LAMA2: variants seen among roughly 807,000 people sequenced by gnomAD.
The protein encoded by LAMA2 is laminin subunit alpha 2.
LAMA2 carries 269 observed loss-of-function variants against 364.8 expected under a neutral mutation model. The observed-to-expected ratio is 0.74, with a 90% CI of 0.67 to 0.82. The LOEUF is 0.82. LAMA2 is among the 40% of genes least tolerant of loss of function. The pLI, the probability that LAMA2 is intolerant of heterozygous loss-of-function variation, is 0.00. For synonymous variants in LAMA2, 1,379 were observed against 1,370.6 expected, an observed-to-expected ratio of 1.01 and a Z score of -0.14; for missense variants, 3,807 against 3,873.2, an observed-to-expected ratio of 0.98 and a Z score of 0.45.
At chr6:129,013,780 TGAGAATA>T (rs1784912332) in intron 1 of LAMA2, among the ~76,000 whole-genome samples, 1 of 151,956 alleles carries the variant, frequency 6.6e-6, no homozygotes. Flanking sequence ...ATTCTCTATA[TGAGAATA>T]GAGAATAAAT....
rs2114698164 is a variant in LAMA2 at position 129,404,052 on chromosome 6, T to C, written c.5865+93T>C. The C allele has an allele frequency of 2.1e-6, 3 of 1,417,528 alleles. 1 individual carries two copies. The Admixed American group carries it at 5.3e-5, about 25-fold the overall frequency. The allele number at this position is 1,417,528 out of a possible 1,614,324, so 87.8% of individuals were successfully genotyped here. A position where few individuals can be genotyped will look rare whatever the true frequency, so the allele number is the denominator to read the frequency against. ...AGTCTGGAAAATCCCAGTAAATTGG[T>C]ATATTTGTTTTGGGTTATTTTTGAA... On this transcript the variant is annotated intron_variant, in intron 40 of 64. Coordinates refer to ENST00000421865, the MANE Select transcript of LAMA2 (RefSeq NM_000426.4).
intron 15 of LAMA2, 151 bp from the exon 16 acceptor site, chr6:129,266,955 T>C (rs1787560816): frequency 1.4e-6 from 1 of 719,914 alleles, no homozygotes; most frequent in African/African-American, 1.7e-5. Context: ...ATAGCTCTGT[T>C]GCAATGTTTC....
chr6:129,191,368 C>T (rs142823110), intron 11 of LAMA2, among the ~76,000 whole-genome samples: 20 of 152,302 alleles, frequency 1.3e-4, no homozygotes, highest in Non-Finnish European at 2.5e-4. Flanking sequence ...ATTATCTATA[C>T]GTTATCAACT....
At chr6:129,355,992 A>G (rs1777132792) in intron 32 of LAMA2, among the ~76,000 whole-genome samples, 1 of 152,122 alleles carries the variant, frequency 6.6e-6, no homozygotes, top group Admixed American at 6.6e-5. Flanking sequence ...TTCTCAAAGT[A>G]TATAAAATTC....
intron 40 of LAMA2, among the ~76,000 whole-genome samples, chr6:129,416,444 T>C (rs566589229): frequency 6.6e-6 from 1 of 152,178 alleles, no homozygotes; most frequent in Non-Finnish European, 1.5e-5. Context: ...AAAGATATGC[T>C]TGGGAGCCTC....
intron 12 of LAMA2, among the ~76,000 whole-genome samples, chr6:129,243,311 A>G (rs907845268): frequency 6.6e-6 from 1 of 152,144 alleles, no homozygotes; most frequent in African/African-American, 2.4e-5. Flanking sequence ...AAAAATTTGT[A>G]TGAGAAATTC....
rs1418934562 is a variant in LAMA2 at position 128,961,336 on chromosome 6, T to G, written c.112+77979T>G. On this transcript the variant is annotated intron_variant, in intron 1 of 64. Transcript: ENST00000421865. Reference sequence around the variant, plus strand: ...CTAATATGATATATATATATATATATATATATATATATATATATATATATA... The same window carrying G: ...CTAATATGATATATATATATATATAGATATATATATATATATATATATATA... Among the ~76,000 whole-genome samples the G allele has an allele frequency of 1.5e-3, 69 of 44,660 alleles. 6 individuals carry two copies. The highest frequency in any genetic ancestry group is 1.2e-4 in the Non-Finnish European group (3 of 24,884). 29.3% of individuals were successfully genotyped at this position (44,660 alleles called of 152,430 possible). A position where few individuals can be genotyped will look rare whatever the true frequency, so the allele number is the denominator to read the frequency against.
At chr6:129,492,674 A>G (rs534350219) in intron 58 of LAMA2, among the ~76,000 whole-genome samples, 191 bp downstream of exon 58, 18 of 152,332 alleles carry the variant, frequency 1.2e-4, no homozygotes, top group Admixed American at 9.8e-4. Flanking sequence ...TTTGTTTACA[A>G]AACAGTACAT....
chr6:128,936,895 G>A (rs114014259), intron 1 of LAMA2, among the ~76,000 whole-genome samples: 1,584 of 152,256 alleles, frequency 0.01, 22 homozygotes, highest in African/African-American at 0.036. Flanking sequence ...TGACAATGTT[G>A]ATGGTTGGAT....
At position 129,371,265 on chromosome 6, in the gene LAMA2, GT is replaced by G. The variant is rs1218761178; in HGVS notation, c.4959+1276del. 3.4e-4 allele frequency among the ~76,000 whole-genome samples: 52 copies of G among 152,014 alleles called. 1 individual carries two copies. Among genetic ancestry groups the G allele is most frequent in the Admixed American group, 9.2e-4 (14 of 15,262 alleles). On this transcript the variant is annotated intron_variant, in intron 34 of 64. Coordinates refer to ENST00000421865, the MANE Select transcript of LAMA2 (RefSeq NM_000426.4). ...CTTTGAGATGTGTGTGTGTGTGTGT[GT>G]GTGTGTGTGTGTGTACATCAGCATT...
intron 1 of LAMA2, among the ~76,000 whole-genome samples, chr6:128,921,004 T>G (rs1429772738): frequency 6.6e-6 from 1 of 152,222 alleles, no homozygotes; most frequent in Non-Finnish European, 1.5e-5. Context: ...ATCGATCCTG[T>G]CTTTGCACTA....
At position 129,149,091 on chromosome 6, in the gene LAMA2, G is replaced by A; in HGVS notation, c.1022G>A (p.Cys341Tyr). The change falls in exon 7 of 65, where the codon TGT becomes TAT. Residue 341 changes from cysteine to tyrosine, a missense_variant. By Grantham distance (194) the Cys-to-Tyr change is radical. This residue lies in a region of LAMA2 where 80 missense variants were observed against 124.0 expected (regional missense o/e 0.65). Coordinates refer to ENST00000421865, the MANE Select transcript of LAMA2 (RefSeq NM_000426.4). ...GGAACTTTTCTAACTAAAACTGAAT[G>A]TGAAGGTATGTTCTTTAGAAGCCAA... ...RAGTFLTKTE[C>Y]EACNCHGKAE... is the part of the protein sequence containing the mutation. 1 of 1,570,060 alleles carries A rather than the reference G, an allele frequency of 6.4e-7. No homozygotes were observed. The highest frequency in any genetic ancestry group is 8.8e-7 in the Non-Finnish European group (1 of 1,140,016).
chr6:128,975,415 T>C (rs535367651), intron 1 of LAMA2, among the ~76,000 whole-genome samples: 1 of 152,070 alleles, frequency 6.6e-6, no homozygotes, highest in South Asian at 2.1e-4. Context: ...GCACTTTAGC[T>C]TGGGAGGAGG....
intron 8 of LAMA2, among the ~76,000 whole-genome samples, chr6:129,156,713 TAAC>T (rs1343190688): frequency 2.0e-5 from 3 of 152,064 alleles, no homozygotes; most frequent in Non-Finnish European, 2.9e-5. Flanking sequence ...ACAAAAATAA[TAAC>T]AACAAAAAAA....
Position 129,250,190 on chromosome 6 carries a change from C to T in LAMA2, c.1861C>T (p.Leu621Phe), listed in dbSNP as rs139093923. 1.9e-6 allele frequency: 3 copies of T among 1,592,912 alleles called. No homozygotes were observed. Among genetic ancestry groups the T allele is most frequent in the Non-Finnish European group, 1.7e-6 (2 of 1,161,646 alleles). The change falls in exon 13 of 65, where the codon CTC becomes TTC. Residue 621 changes from leucine to phenylalanine, a missense_variant. By Grantham distance (22) the Leu-to-Phe change is conservative. Coordinates refer to ENST00000421865, the MANE Select transcript of LAMA2 (RefSeq NM_000426.4). The part of the protein sequence containing the change: ...EEEEEDTERV[L>F]QLMIILEGND... ...AGAGGAAGAAGATACAGAACGTGTT[C>T]TCCAGCTTATGATTATCTTAGAGGT... is the stretch of plus-strand genomic sequence containing the variant.
intron 40 of LAMA2, among the ~76,000 whole-genome samples, chr6:129,424,851 T>G (rs941439242): frequency 6.6e-6 from 1 of 151,344 alleles, no homozygotes; most frequent in Non-Finnish European, 1.5e-5. Flanking sequence ...ATTCTGCTTC[T>G]GTGTATTTAC....
intron 1 of LAMA2, among the ~76,000 whole-genome samples, chr6:128,968,327 T>C (rs905011215): frequency 1.3e-5 from 2 of 152,098 alleles, no homozygotes; most frequent in African/African-American, 4.8e-5. Context: ...TTTGAGCTCT[T>C]ATGAGGTGCC....
chr6:129,191,088 G>A (rs1360233259), intron 11 of LAMA2, among the ~76,000 whole-genome samples: 1 of 152,212 alleles, frequency 6.6e-6, no homozygotes, highest in Non-Finnish European at 1.5e-5. Flanking sequence ...GCTGGAGAGA[G>A]AAAGAAGTCT....
intron 45 of LAMA2, among the ~76,000 whole-genome samples, chr6:129,451,113 T>G (rs1344161315): frequency 6.6e-6 from 1 of 152,192 alleles, no homozygotes; most frequent in East Asian, 1.9e-4. Context: ...ATAGCTGCCA[T>G]TGTATCACAG....
Sources: gnomAD v4.1 joint callset for allele counts (sites outside exome capture counted in the v4.1 genomes callset) on GRCh38, gnomAD v4.1.1 for gene constraint, gnomAD v4.1.1 regional missense constraint, MANE v1.5 for transcripts, NCBI Gene and HGNC (gene_info 2026-07-23, HGNC 2026-07-21) for gene names.